SLC4A4: variants seen among roughly 807,000 people sequenced by gnomAD.
SLC4A4 encodes solute carrier family 4 member 4.
In SLC4A4, 27 loss-of-function variants were observed where a neutral mutation model predicts 111.5. That is an observed-to-expected ratio of 0.24 (90% CI 0.18 to 0.33). The LOEUF is 0.33. SLC4A4 is among the 10% of genes least tolerant of loss of function. The pLI, the probability that SLC4A4 is intolerant of heterozygous loss-of-function variation, is 1.00. For missense variants in SLC4A4, 909 were observed against 1,315.5 expected, an observed-to-expected ratio of 0.69 and a Z score of 4.78; for synonymous variants, 443 against 463.4, an observed-to-expected ratio of 0.96 and a Z score of 0.57.
At chr4:71,170,243 G>T (rs1174936595) in intron 2 of SLC4A4, among the ~76,000 whole-genome samples, 1 of 152,180 alleles carries the variant, frequency 6.6e-6, no homozygotes, top group East Asian at 1.9e-4. Flanking sequence ...TTATCAACTA[G>T]AAGTTAAGCT....
In SLC4A4 at chr4:71,483,675, T is replaced by C. The variant is rs113312734; in HGVS notation, c.1904-3273T>C. ...TTGAAATAGAACAATTTGTATTCCA[T>C]TGGGTATATACCCAGTAATGGGATG... On this transcript the variant is annotated intron_variant, in intron 14 of 25. Coordinates refer to ENST00000264485, the MANE Select transcript of SLC4A4 (RefSeq NM_001098484.3). Among the ~76,000 whole-genome samples, 221 of 152,068 alleles carry C rather than the reference T, an allele frequency of 1.5e-3. 1 individual carries two copies. The highest frequency in any genetic ancestry group is 5.0e-3 in the African/African-American group (208 of 41,538).
chr4:71,239,891 A>T (rs1720073715), intron 2 of SLC4A4, among the ~76,000 whole-genome samples: 1 of 152,174 alleles, frequency 6.6e-6, no homozygotes, highest in Admixed American at 6.5e-5. Flanking sequence ...TTAAAATGTC[A>T]GTATTTCAGA....
intron 15 of SLC4A4, among the ~76,000 whole-genome samples, chr4:71,489,815 G>A (rs1475830023): frequency 6.6e-6 from 1 of 151,700 alleles, no homozygotes; most frequent in Non-Finnish European, 1.5e-5. Flanking sequence ...ATCCCCTGGA[G>A]CCAGCAAGGC....
chr4:71,180,958 A>G (rs958099571), intron 2 of SLC4A4, among the ~76,000 whole-genome samples: 38 of 152,230 alleles, frequency 2.5e-4, no homozygotes, highest in Non-Finnish European at 4.4e-4. Flanking sequence ...AAGACTTGGA[A>G]CCAACTCAAA....
At chr4:71,186,979 TC>T, upstream of SLC4A4, 1 of 152,414 alleles carries the variant, frequency 6.6e-6, no homozygotes, top group Non-Finnish European at 1.5e-5. Flanking sequence ...TGTGTAGACA[TC>T]CCCCCGCGCC....
At chr4:71,328,061 C>G (rs1727642112) in intron 3 of SLC4A4, among the ~76,000 whole-genome samples, 1 of 151,994 alleles carries the variant, frequency 6.6e-6, no homozygotes, top group Admixed American at 6.6e-5. Context: ...TGTTTAGTTT[C>G]CACAAATAAG....
At chr4:71,267,173 C>T (rs1722332099) in intron 3 of SLC4A4, among the ~76,000 whole-genome samples, 3 of 152,144 alleles carry the variant, frequency 2.0e-5, no homozygotes. Context: ...GAGACACTAA[C>T]TAATCAAATA....
intron 3 of SLC4A4, among the ~76,000 whole-genome samples, chr4:71,335,359 C>T (rs1421908603): frequency 1.3e-5 from 2 of 152,188 alleles, no homozygotes; most frequent in African/African-American, 4.8e-5. Flanking sequence ...AATGTGAACA[C>T]ACTACTCCTT....
chr4:71,426,293 C>G (rs565826479), intron 7 of SLC4A4, among the ~76,000 whole-genome samples: 4 of 152,070 alleles, frequency 2.6e-5, no homozygotes, highest in African/African-American at 9.6e-5. Flanking sequence ...TTTGGAATGC[C>G]CTTGGCCAAG....
intron 15 of SLC4A4, among the ~76,000 whole-genome samples, chr4:71,496,318 G>A (rs545703796): frequency 2.7e-4 from 41 of 151,998 alleles, no homozygotes; most frequent in Non-Finnish European, 5.0e-4. Context: ...TTTGGGGTGC[G>A]TGTGACTTTA....
chr4:71,542,327 G>A (rs956720229), intron 18 of SLC4A4, among the ~76,000 whole-genome samples: 8 of 151,878 alleles, frequency 5.3e-5, no homozygotes, highest in South Asian at 2.1e-4. Flanking sequence ...CAGTGTTGTC[G>A]TGTCTGTCCT....
chr4:71,148,486 T>C lies in SLC4A4; in HGVS notation c.-2+55694T>C, dbSNP rs181463925. Among the ~76,000 whole-genome samples, 56 of 152,292 alleles carry C rather than the reference T, an allele frequency of 3.7e-4. No homozygotes were observed. The East Asian group carries it at 5.2e-3, about 14-fold the overall frequency. On this transcript the variant is annotated intron_variant, in intron 2 of 26. Coordinates refer to the SLC4A4 transcript ENST00000649996. ...ATGGGAGTTTGTCATACAGATTATT[T>C]TGTCACCCGGGTATTAAGCCTAGTA...
chr4:71,394,679 TG>T (rs1719637204), intron 6 of SLC4A4, among the ~76,000 whole-genome samples: 1 of 152,084 alleles, frequency 6.6e-6, no homozygotes, highest in Non-Finnish European at 1.5e-5. Flanking sequence ...CCAACTCGAA[TG>T]CCCATCAGTC....
intron 1 of SLC4A4, among the ~76,000 whole-genome samples, chr4:71,215,125 T>C (rs1308719338): frequency 1.3e-5 from 2 of 152,242 alleles, no homozygotes; most frequent in Non-Finnish European, 2.9e-5. Context: ...CCTATGCTAT[T>C]ACAACGGTAT....
intron 7 of SLC4A4, among the ~76,000 whole-genome samples, chr4:71,431,047 T>G (rs1723601731): frequency 6.6e-6 from 1 of 152,140 alleles, no homozygotes; most frequent in Non-Finnish European, 1.5e-5. Context: ...TCACTCATCA[T>G]TCAACAAATA....
intron 9 of SLC4A4, among the ~76,000 whole-genome samples, chr4:71,448,899 A>C (rs1229894044): frequency 6.6e-6 from 1 of 152,186 alleles, no homozygotes; most frequent in Non-Finnish European, 1.5e-5. Context: ...CTTTATGGCT[A>C]TGCTGCTTTT....
chr4:71,290,219 G>A (rs931088325), intron 3 of SLC4A4, among the ~76,000 whole-genome samples: 2 of 152,184 alleles, frequency 1.3e-5, no homozygotes, highest in African/African-American at 4.8e-5. Context: ...AGGCATTTGT[G>A]CAAGGTGATA....
intron 17 of SLC4A4, among the ~76,000 whole-genome samples, chr4:71,532,448 A>T (rs10446509): frequency 5.9e-5 from 9 of 152,012 alleles, no homozygotes; most frequent in Admixed American, 5.2e-4. Flanking sequence ...ATTTTATATA[A>T]CTTATTACCT....
chr4:71,426,970 T>G (rs192112520), intron 7 of SLC4A4, among the ~76,000 whole-genome samples: 1 of 152,096 alleles, frequency 6.6e-6, no homozygotes, highest in Non-Finnish European at 1.5e-5. Flanking sequence ...ATATTTGCAG[T>G]GAAATAAGAA....
Sources: allele counts gnomAD v4.1 joint callset (sites outside exome capture counted in the v4.1 genomes callset), GRCh38; gene constraint gnomAD v4.1.1; transcripts MANE v1.5; gene names NCBI Gene and HGNC (gene_info 2026-07-23, HGNC 2026-07-21).